FER1L6: variants seen among roughly 807,000 people sequenced by gnomAD.
The protein encoded by FER1L6 is fer-1 like family member 6.
Under a neutral mutation model 219.2 loss-of-function variants are expected in FER1L6, and 177 were observed. The ratio of observed to expected loss-of-function variants is 0.81; its 90% CI spans 0.71 to 0.91. FER1L6 has a LOEUF of 0.91. Ranked by LOEUF, FER1L6 falls within the 40% of genes least tolerant of loss-of-function variation. The pLI is 0.00. For missense variants in FER1L6, 2,153 were observed against 2,259.9 expected (o/e 0.95, Z 0.96); for synonymous variants, 768 against 824.3 (o/e 0.93, Z 1.17).
intron 33 of FER1L6, among the ~76,000 whole-genome samples, chr8:124,088,241 C>T (rs1304239713): frequency 6.6e-6 from 1 of 152,112 alleles, no homozygotes; most frequent in Admixed American, 6.5e-5. Flanking sequence ...TGAACTGGCA[C>T]CCAAACCACA....
chr8:124,057,194 CG>C (rs1563770818), intron 22 of FER1L6, among the ~76,000 whole-genome samples: 1 of 152,196 alleles, frequency 6.6e-6, no homozygotes, highest in Non-Finnish European at 1.5e-5. Context: ...CACTATTTGA[CG>C]CTGTGCCCAT....
At chr8:124,067,265 C>T (rs780720311) in intron 27 of FER1L6, among the ~76,000 whole-genome samples, 2 of 152,118 alleles carry the variant, frequency 1.3e-5, no homozygotes, top group African/African-American at 2.4e-5. Flanking sequence ...TGATATATAC[C>T]GAAAAAGCAA....
rs557694949 is a variant in FER1L6, at chr8:124,076,472, A to T, written c.4220+147A>T. The T allele has an allele frequency of 2.8e-5, 21 of 751,334 alleles. No homozygotes were observed. In the South Asian group the frequency reaches 4.0e-4, roughly 14 times the overall value. 46.5% of individuals were successfully genotyped at this position (751,334 alleles called of 1,614,324 possible). On this transcript the variant is annotated intron_variant, in intron 32 of 40. Coordinates refer to ENST00000522917, the MANE Select transcript of FER1L6 (RefSeq NM_001039112.2). ...TGGCTTCTGCTCTTGGTAATAACCA[A>T]CCAAACCTACGTCCATGGAGCAGGG... is the stretch of plus-strand genomic sequence containing the variant.
At chr8:123,869,229 A>G (rs1484675805) in intron 1 of FER1L6, among the ~76,000 whole-genome samples, 1 of 152,184 alleles carries the variant, frequency 6.6e-6, no homozygotes, top group African/African-American at 2.4e-5. Context: ...CATTATCAGT[A>G]TTCTTATTAT....
intron 34 of FER1L6, among the ~76,000 whole-genome samples, chr8:124,093,601 A>G (rs530780600): frequency 5.3e-5 from 8 of 152,164 alleles, no homozygotes; most frequent in Admixed American, 2.6e-4. Context: ...TATTAAGCCA[A>G]CTTAGTTCTT....
rs1419929913 is a variant in FER1L6 at position 124,069,400 on chromosome 8, G to T, written c.3759G>T (p.Gly1253=). 1 of 1,612,586 alleles carries T rather than the reference G, an allele frequency of 6.2e-7. No homozygotes were observed. The highest frequency in any genetic ancestry group is 8.5e-7 in the Non-Finnish European group (1 of 1,179,590). Residue 1253 remains glycine, a synonymous_variant, in exon 29 of 41, where the codon GGG becomes GGT. Coordinates refer to ENST00000522917, the MANE Select transcript of FER1L6 (RefSeq NM_001039112.2). ...PDEVVVDIED[G]PKKKKDKMLK... ...AGGTAGTGGTAGATATAGAAGATGG[G>T]CCAAAGAAGAAGAAAGACAAAATGC...
At chr8:124,062,289 T>C (rs1411412657) in intron 25 of FER1L6, among the ~76,000 whole-genome samples, 1 of 152,228 alleles carries the variant, frequency 6.6e-6, no homozygotes, top group Non-Finnish European at 1.5e-5. Flanking sequence ...GCTGACATTT[T>C]ACTTGGCTCT....
intron 1 of FER1L6, among the ~76,000 whole-genome samples, chr8:123,878,717 C>CT (rs914826290): frequency 4.6e-5 from 7 of 152,088 alleles, no homozygotes; most frequent in East Asian, 1.9e-4. Flanking sequence ...TAATAAAATA[C>CT]TTTTTTTTGC....
intron 3 of FER1L6, 58 bp from the exon 4 acceptor site, chr8:123,965,949 C>T: frequency 7.2e-7 from 1 of 1,397,306 alleles, no homozygotes; most frequent in African/African-American, 1.4e-5. Flanking sequence ...AGAATATTAT[C>T]ATGACTTATG....
chr8:123,879,150 A>G (rs1335972052), intron 1 of FER1L6, among the ~76,000 whole-genome samples: 1 of 152,140 alleles, frequency 6.6e-6, no homozygotes. Context: ...TTTAAAAATA[A>G]TAAATTAGCT....
intron 2 of FER1L6, 49 bp from the exon 3 acceptor site, chr8:123,963,229 C>T (rs1467288805): frequency 6.2e-7 from 1 of 1,609,238 alleles, no homozygotes; most frequent in East Asian, 2.2e-5. Flanking sequence ...GCTCGATTGC[C>T]ACCACATGTC....
Position 124,060,179 on chromosome 8 carries a change from GGTT to G in FER1L6, c.2875_2877del (p.Val959del). ...TAACTCATACTTGCCTTGTGCGGTA[GGTT>G]CCTCCTTCTGGGCTGCAAGGCCTCC... On this transcript the variant is annotated inframe_deletion and splice_region_variant, in exon 23 of 41. Transcript: ENST00000522917. 1.9e-6 allele frequency: 3 copies of G among 1,613,012 alleles called. No homozygotes were observed. Among genetic ancestry groups the G allele is most frequent in the Non-Finnish European group, 2.5e-6 (3 of 1,179,034 alleles).
At chr8:123,892,229 GAT>G (rs1812659989) in intron 1 of FER1L6, among the ~76,000 whole-genome samples, 1 of 152,062 alleles carries the variant, frequency 6.6e-6, no homozygotes, top group South Asian at 2.1e-4. Flanking sequence ...TCATGTAAGA[GAT>G]AATAATAGAT....
intron 1 of FER1L6, among the ~76,000 whole-genome samples, chr8:123,939,499 A>C (rs890559243): frequency 1.3e-5 from 2 of 152,194 alleles, no homozygotes; most frequent in African/African-American, 4.8e-5. Flanking sequence ...CAGGACAAGC[A>C]AGAAGGGTCT....
intron 12 of FER1L6, among the ~76,000 whole-genome samples, chr8:123,999,685 C>G (rs1228012362): frequency 6.6e-6 from 1 of 151,942 alleles, no homozygotes; most frequent in Non-Finnish European, 1.5e-5. Flanking sequence ...AAAACAAAAA[C>G]AAAACAAAAG....
Position 123,977,425 on chromosome 8 carries a change from C to T in FER1L6, c.879C>T (p.Thr293=). 1 of 1,613,102 alleles carries T rather than the reference C, an allele frequency of 6.2e-7. No homozygotes were observed. Among genetic ancestry groups the T allele is most frequent in the Non-Finnish European group, 8.5e-7 (1 of 1,179,490 alleles). Residue 293 remains threonine (T), a synonymous_variant, in exon 10 of 41, where the codon ACC becomes ACT. Transcript: ENST00000522917. The part of the protein sequence containing the change: ...EVSFAGQMGR[T]TVQKNCADPV... ...CCTGGCTGTGTTTTTAGGGGCGAACCACAGTGCAGAAGAACTGTGCTGATC... is the reference window on the plus strand; with the variant it reads ...CCTGGCTGTGTTTTTAGGGGCGAACTACAGTGCAGAAGAACTGTGCTGATC...
intron 1 of FER1L6, among the ~76,000 whole-genome samples, chr8:123,954,610 C>A (rs1814928834): frequency 6.6e-6 from 1 of 152,094 alleles, no homozygotes; most frequent in Non-Finnish European, 1.5e-5. Context: ...AGGTACGGTG[C>A]TAAATACTTT....
At chr8:124,003,033 A>T (rs1007062907) in intron 12 of FER1L6, 134 bp from the exon 13 acceptor site, 6 of 690,558 alleles carry the variant, frequency 8.7e-6, no homozygotes, top group Non-Finnish European at 1.5e-5. Context: ...TGGTCTGATC[A>T]TTGCTCTTTC....
chr8:124,091,488 A>G lies in FER1L6; in HGVS notation c.4457A>G (p.Asp1486Gly). The change falls in exon 34 of 41, where the codon GAC becomes GGC. Residue 1486 changes from aspartate to glycine, a missense_variant. By Grantham distance (94) the Asp-to-Gly change is moderately conservative. Coordinates refer to ENST00000522917, the MANE Select transcript of FER1L6 (RefSeq NM_001039112.2). ...PTEILTKLCK[D>G]NKLDGPYFHP... ...GAAATCCTCACTAAGCTCTGCAAAG[A>G]CAACAAGCTGGATGGACCCTACTTT... 1 of 1,614,020 alleles carries G rather than the reference A, an allele frequency of 6.2e-7. No homozygotes were observed.
Sources: gnomAD v4.1 joint callset for allele counts (sites outside exome capture counted in the v4.1 genomes callset) on GRCh38, gnomAD v4.1.1 for gene constraint, MANE v1.5 for transcripts, NCBI Gene and HGNC (gene_info 2026-07-23, HGNC 2026-07-21) for gene names.